The following SFSWAP variants were observed in gnomAD, a reference collection of about 807,000 sequenced individuals.
The protein encoded by SFSWAP is splicing factor SWAP, also known as splicing factor, suppressor of white-apricot homolog.
Under a neutral mutation model 100.7 loss-of-function variants are expected in SFSWAP, and 17 were observed. That is an observed-to-expected ratio of 0.17 (90% CI 0.12 to 0.25). The LOEUF is 0.25. SFSWAP is among the 10% of genes least tolerant of loss of function. The pLI is 1.00. For synonymous variants in SFSWAP, 504 were observed against 510.1 expected, an observed-to-expected ratio of 0.99 and a Z score of 0.16; for missense variants, 1,005 against 1,262.6, an observed-to-expected ratio of 0.80 and a Z score of 3.09.
intron 4 of SFSWAP, among the ~76,000 whole-genome samples, chr12:131,724,837 G>A (rs1301917768): frequency 4.6e-5 from 7 of 152,220 alleles, no homozygotes. Flanking sequence ...AAGTGGGAAT[G>A]GCAGTGAGCC....
intron 14 of SFSWAP, chr12:131,785,569 T>C (rs1268397783): frequency 4.8e-6 from 1 of 206,538 alleles, no homozygotes; most frequent in African/African-American, 2.3e-5. Context: ...GTAGCTTTAC[T>C]GAATGAACAA....
intron 3 of SFSWAP, among the ~76,000 whole-genome samples, chr12:131,715,609 C>T (rs1877824127): frequency 6.6e-6 from 1 of 152,248 alleles, no homozygotes. Flanking sequence ...TCGAGAGCTC[C>T]ACTACCACAG....
chr12:131,741,066 G>T (rs187921232), intron 7 of SFSWAP, among the ~76,000 whole-genome samples: 3 of 135,814 alleles, frequency 2.2e-5, no homozygotes, highest in Non-Finnish European at 1.5e-5. Flanking sequence ...TCCACCTCCT[G>T]GGTTCAAGCA....
intron 15 of SFSWAP, among the ~76,000 whole-genome samples, chr12:131,787,005 G>A (rs950310866): frequency 6.6e-6 from 1 of 152,186 alleles, no homozygotes; most frequent in African/African-American, 2.4e-5. Context: ...GCTGTGTGAC[G>A]GTGACTACGG....
intron 11 of SFSWAP, among the ~76,000 whole-genome samples, chr12:131,760,347 A>G (rs1433014878): frequency 6.6e-6 from 1 of 152,230 alleles, no homozygotes; most frequent in African/African-American, 2.4e-5. Flanking sequence ...AAAGACAGTC[A>G]CTGACCTAGA....
chr12:131,717,228 G>A (rs1419681469), intron 3 of SFSWAP, among the ~76,000 whole-genome samples: 1 of 152,050 alleles, frequency 6.6e-6, no homozygotes, highest in Non-Finnish European at 1.5e-5. Context: ...CGTATGTCTT[G>A]ATTTTCAAAA....
intron 10 of SFSWAP, 126 bp from the exon 11 acceptor site, chr12:131,756,347 A>G (rs1566031927): frequency 1.3e-6 from 1 of 761,702 alleles, no homozygotes; most frequent in East Asian, 2.6e-5. Context: ...GTCTGTTCCC[A>G]GTGCTGCTTG....
At chr12:131,723,480 T>C (rs1878676129) in intron 4 of SFSWAP, among the ~76,000 whole-genome samples, 1 of 152,210 alleles carries the variant, frequency 6.6e-6, no homozygotes, top group African/African-American at 2.4e-5. Flanking sequence ...TATTTACTGC[T>C]GGTACTTCTG....
intron 14 of SFSWAP, chr12:131,783,476 A>T (rs566393895): frequency 2.0e-5 from 3 of 152,182 alleles, no homozygotes; most frequent in African/African-American, 7.2e-5. Context: ...GATATCTTCC[A>T]GTATAGAGAG....
intron 7 of SFSWAP, among the ~76,000 whole-genome samples, chr12:131,746,488 G>T (rs534355580): frequency 6.6e-6 from 1 of 151,996 alleles, no homozygotes; most frequent in Non-Finnish European, 1.5e-5. Flanking sequence ...CCTGTCCCCC[G>T]TCCCCGCCTG....
Position 131,725,443 on chromosome 12 carries a change from G to A in SFSWAP, c.645G>A (p.Thr215=), listed in dbSNP as rs779582460. The stretch of plus-strand genomic sequence containing the variant: ...AAATGCACGCCATCATCGAGCGCAC[G>A]GCCAGCTTCGTGTGCAGGCAGGGAG... The part of the protein sequence containing the change: ...TAKMHAIIER[T]ASFVCRQGAQ... The change falls in exon 5 of 18, where the codon ACG becomes ACA. Residue 215 remains threonine, a synonymous_variant. Coordinates refer to ENST00000261674, the MANE Select transcript of SFSWAP (RefSeq NM_004592.4). This position sits in a 1 kb window ranked among gnomAD's most constrained non-coding sequence, Gnocchi z 4.3. The A allele has an allele frequency of 8.1e-6, 13 of 1,614,148 alleles. No individual in the cohort carries two copies. The highest frequency in any genetic ancestry group is 4.5e-5 in the East Asian group (2 of 44,876).
Position 131,799,585 on chromosome 12 carries a change from A to G in SFSWAP, c.*97A>G. On this transcript the variant is annotated 3_prime_UTR_variant, in exon 18 of 18. Transcript: ENST00000261674. ...ACCATCCACCTGGCCGCCTCCATGG[A>G]CCCTTGGTGGCTTTTGTAAATTAAT... The G allele has an allele frequency of 1.1e-6, 1 of 927,986 alleles. No homozygotes were observed. Among genetic ancestry groups the G allele is most frequent in the East Asian group, 2.6e-5 (1 of 38,914 alleles). The allele number at this position is 927,986 out of a possible 1,614,324, so 57.5% of individuals were successfully genotyped here. A position where few individuals can be genotyped will look rare whatever the true frequency, so the allele number is the denominator to read the frequency against.
At chr12:131,735,030 A>G (rs1438877695) in intron 7 of SFSWAP, among the ~76,000 whole-genome samples, 3 of 152,170 alleles carry the variant, frequency 2.0e-5, no homozygotes, top group African/African-American at 2.4e-5. Flanking sequence ...CACAGTCACA[A>G]AAGTGGGAGG....
At chr12:131,793,622 A>T (rs1031039817) in intron 15 of SFSWAP, among the ~76,000 whole-genome samples, 4 of 152,182 alleles carry the variant, frequency 2.6e-5, no homozygotes, top group Non-Finnish European at 5.9e-5. Flanking sequence ...ACTTCATTGA[A>T]GTTTAAAAAC....
chr12:131,769,783 C>G (rs1483883235), intron 13 of SFSWAP, among the ~76,000 whole-genome samples: 3 of 152,106 alleles, frequency 2.0e-5, no homozygotes, highest in Non-Finnish European at 2.9e-5. Context: ...CCCGCCACCA[C>G]GCCCGGCTAA....
chr12:131,742,196 T>C (rs1292085349), intron 7 of SFSWAP, among the ~76,000 whole-genome samples: 1 of 152,180 alleles, frequency 6.6e-6, no homozygotes, highest in Non-Finnish European at 1.5e-5. Context: ...CCCGTTCTCC[T>C]CACTGTCAGG....
intron 13 of SFSWAP, among the ~76,000 whole-genome samples, chr12:131,771,898 T>G (rs1387331243): frequency 6.6e-6 from 1 of 152,144 alleles, no homozygotes; most frequent in Non-Finnish European, 1.5e-5. Flanking sequence ...CTTGACCTCG[T>G]GATCAGCCCG....
At chr12:131,772,213 A>G (rs1244923544) in intron 13 of SFSWAP, among the ~76,000 whole-genome samples, 4 of 152,180 alleles carry the variant, frequency 2.6e-5, no homozygotes, top group African/African-American at 9.7e-5. Flanking sequence ...TCTTTTCCCC[A>G]GTGACTCACA....
chr12:131,757,769 T>C (rs1882312383), intron 11 of SFSWAP, among the ~76,000 whole-genome samples: 1 of 152,174 alleles, frequency 6.6e-6, no homozygotes, highest in African/African-American at 2.4e-5. Context: ...TATGTGTCTT[T>C]GGGCCTCTCA....
Sources: gnomAD v4.1 joint callset for allele counts (sites outside exome capture counted in the v4.1 genomes callset) on GRCh38, gnomAD v4.1.1 for gene constraint, Gnocchi (gnomAD v3.1) non-coding constraint, MANE v1.5 for transcripts, NCBI Gene and HGNC (gene_info 2026-07-23, HGNC 2026-07-21) for gene names.